TASP1: variants seen among roughly 807,000 people sequenced by gnomAD.
TASP1 encodes threonine aspartase 1.
In TASP1, 16 loss-of-function variants were observed where a neutral mutation model predicts 56.6. The ratio of observed to expected loss-of-function variants is 0.28; its 90% confidence interval spans 0.19 to 0.43. The LOEUF (loss-of-function observed/expected upper bound fraction) is 0.43. Ranked by LOEUF, TASP1 falls within the 20% of genes least tolerant of loss-of-function variation. TASP1 has a pLI of 1.00. For missense variants in TASP1, 393 were observed against 511.6 expected (o/e 0.77, Z 2.24); for synonymous variants, 179 against 184.2 (o/e 0.97, Z 0.23).
chr20:13,354,552 G>A, the TASP1 span, among the ~76,000 whole-genome samples: 1 of 152,088 alleles, frequency 6.6e-6, no homozygotes, highest in Non-Finnish European at 1.5e-5. Context: ...GTGAGGGGAA[G>A]AAAAAAGACA....
chr20:13,632,221 A>G (rs905037187), intron 1 of TASP1, among the ~76,000 whole-genome samples: 2 of 151,918 alleles, frequency 1.3e-5, no homozygotes, highest in East Asian at 1.9e-4. Flanking sequence ...AAAGCTGGGC[A>G]TGGTGGCGCG....
chr20:13,537,209 G>A (rs960319475), intron 8 of TASP1, among the ~76,000 whole-genome samples: 1 of 152,114 alleles, frequency 6.6e-6, no homozygotes, highest in Non-Finnish European at 1.5e-5. Flanking sequence ...ACTGATGTCA[G>A]TATAACTGGA....
intron 4 of TASP1, among the ~76,000 whole-genome samples, chr20:13,604,415 G>A (rs1008110683): frequency 1.3e-5 from 2 of 151,984 alleles, no homozygotes; most frequent in Non-Finnish European, 2.9e-5. Flanking sequence ...GTGATATACC[G>A]ACTCCTCCTT....
At chr20:13,503,208 TG>T (rs1397125054) in intron 10 of TASP1, among the ~76,000 whole-genome samples, 2 of 152,074 alleles carry the variant, frequency 1.3e-5, no homozygotes, top group Non-Finnish European at 2.9e-5. Context: ...ATGCCTTGCC[TG>T]TGTAACACCC....
At chr20:13,425,589 G>A (rs1039356652) in intron 12 of TASP1, among the ~76,000 whole-genome samples, 36 of 152,136 alleles carry the variant, frequency 2.4e-4, no homozygotes, top group Non-Finnish European at 4.7e-4. Context: ...AATCAGAACC[G>A]TCTTGGGCTG....
the TASP1 span, among the ~76,000 whole-genome samples, chr20:13,222,920 T>C: frequency 1.3e-5 from 2 of 152,126 alleles, no homozygotes; most frequent in Non-Finnish European, 2.9e-5. Flanking sequence ...CCCAGCACTT[T>C]AGCAGGCAGA....
chr20:13,496,133 A>G (rs2043716294), intron 10 of TASP1, among the ~76,000 whole-genome samples: 1 of 151,918 alleles, frequency 6.6e-6, no homozygotes, highest in Non-Finnish European at 1.5e-5. Flanking sequence ...AGCTCACTGC[A>G]ACCTCTGCTT....
chr20:13,550,541 TA>T (rs1456081904), intron 8 of TASP1, among the ~76,000 whole-genome samples: 1 of 152,040 alleles, frequency 6.6e-6, no homozygotes, highest in Non-Finnish European at 1.5e-5. Context: ...GTTTTATTTT[TA>T]AAAAATACAT....
At chr20:13,121,559 G>A in the TASP1 span, among the ~76,000 whole-genome samples, 6 of 152,254 alleles carry the variant, frequency 3.9e-5, no homozygotes, top group East Asian at 1.9e-4. Flanking sequence ...AATGGACGTG[G>A]AAACCTCGAT....
the TASP1 span, among the ~76,000 whole-genome samples, chr20:13,248,054 AG>A: frequency 6.6e-6 from 1 of 152,168 alleles, no homozygotes; most frequent in East Asian, 1.9e-4. Context: ...TCCAAGTTCC[AG>A]GTGGGCTATG....
At chr20:13,525,887 G>C (rs2044959546) in intron 10 of TASP1, among the ~76,000 whole-genome samples, 2 of 152,146 alleles carry the variant, frequency 1.3e-5, no homozygotes, top group African/African-American at 4.8e-5. Context: ...CTTGCGAAGA[G>C]TATAACATGA....
chr20:13,509,096 A>G (rs531065166), intron 10 of TASP1, among the ~76,000 whole-genome samples: 1 of 151,228 alleles, frequency 6.6e-6, no homozygotes, highest in Non-Finnish European at 1.5e-5. Context: ...CTAAGTGTCT[A>G]TCAATGAATG....
chr20:13,387,498 CT>C (rs1264152940), downstream of TASP1, among the ~76,000 whole-genome samples: 1 of 150,806 alleles, frequency 6.6e-6, no homozygotes. Context: ...TGATTTCATT[CT>C]TTTTTATGGC....
the TASP1 span, among the ~76,000 whole-genome samples, chr20:13,211,781 A>G: frequency 6.6e-6 from 1 of 152,320 alleles, no homozygotes; most frequent in African/African-American, 2.4e-5. Flanking sequence ...TAGTATGTCA[A>G]GTAAACAGGC....
At chr20:13,194,609 T>C in the TASP1 span, among the ~76,000 whole-genome samples, 1 of 151,496 alleles carries the variant, frequency 6.6e-6, no homozygotes, top group African/African-American at 2.4e-5. Context: ...ATGTGTCTTT[T>C]CTGCCATCTA....
the TASP1 span, among the ~76,000 whole-genome samples, chr20:13,234,352 C>T: frequency 6.6e-6 from 1 of 152,180 alleles, no homozygotes; most frequent in Admixed American, 6.5e-5. Flanking sequence ...CAGTCTTCCA[C>T]TGATGGACAT....
chr20:13,473,275 G>C (rs1279715200), intron 11 of TASP1, among the ~76,000 whole-genome samples: 1 of 151,718 alleles, frequency 6.6e-6, no homozygotes, highest in African/African-American at 2.4e-5. Flanking sequence ...CTCATAGGTG[G>C]GAACTGAACA....
chr20:13,356,617 C>A, the TASP1 span, among the ~76,000 whole-genome samples: 1 of 152,302 alleles, frequency 6.6e-6, no homozygotes, highest in East Asian at 1.9e-4. Flanking sequence ...ATGGAGCAGA[C>A]CTTCTTGCTT....
intron 10 of TASP1, among the ~76,000 whole-genome samples, chr20:13,509,181 A>C (rs551003282): frequency 6.7e-6 from 1 of 150,128 alleles, no homozygotes; most frequent in South Asian, 2.1e-4. Context: ...CTTTAAAACC[A>C]AGAAAATCCT....
Sources: gnomAD v4.1 joint callset for allele counts (sites outside exome capture counted in the v4.1 genomes callset) on GRCh38, gnomAD v4.1.1 for gene constraint, MANE v1.5 for transcripts, NCBI Gene and HGNC (gene_info 2026-07-23, HGNC 2026-07-21) for gene names.